DYNC2H1: variants seen among roughly 807,000 people sequenced by gnomAD.
The protein encoded by DYNC2H1 is dynein cytoplasmic 2 heavy chain 1, also known as cytoplasmic dynein 2 heavy chain 1.
DYNC2H1 carries 410 observed loss-of-function variants against 570.0 expected under a neutral mutation model. The ratio of observed to expected loss-of-function variants is 0.72; its 90% CI spans 0.66 to 0.78. The LOEUF is 0.78. Ranked by LOEUF, DYNC2H1 falls within the 30% of genes least tolerant of loss-of-function variation. The pLI is 0.00. For missense variants in DYNC2H1, 4,865 were observed against 5,046.4 expected, an observed-to-expected ratio of 0.96 and a Z score of 1.09; for synonymous variants, 1,688 against 1,677.6, an observed-to-expected ratio of 1.01 and a Z score of -0.15.
intron 70 of DYNC2H1, among the ~76,000 whole-genome samples, chr11:103,278,354 C>A (rs1427525950): frequency 6.6e-6 from 1 of 151,922 alleles, no homozygotes; most frequent in Non-Finnish European, 1.5e-5. Flanking sequence ...GTCCTAGGTA[C>A]CATGCTAAGT....
intron 85 of DYNC2H1, among the ~76,000 whole-genome samples, chr11:103,453,029 G>T (rs184447391): frequency 2.0e-3 from 298 of 152,072 alleles, no homozygotes; most frequent in Non-Finnish European, 2.8e-3. Flanking sequence ...TAATATTCAA[G>T]AAATTGCCTA....
intron 83 of DYNC2H1, among the ~76,000 whole-genome samples, chr11:103,392,570 C>T (rs566700369): frequency 7.9e-5 from 12 of 152,316 alleles, no homozygotes; most frequent in East Asian, 5.8e-4. Context: ...TCGTCTTCTG[C>T]GTCGCTCACG....
chr11:103,270,947 A>G (rs1032546957), intron 70 of DYNC2H1, among the ~76,000 whole-genome samples: 1 of 152,200 alleles, frequency 6.6e-6, no homozygotes, highest in Non-Finnish European at 1.5e-5. Flanking sequence ...TTGAAATGGC[A>G]TAGAAAAATG....
Position 103,196,452 on chromosome 11 carries a change from G to A in DYNC2H1, c.7709-1481G>A, listed in dbSNP as rs990104811. Among the ~76,000 whole-genome samples, 5 of 152,146 alleles carry A rather than the reference G, an allele frequency of 3.3e-5. 1 individual carries two copies. Among genetic ancestry groups the A allele is most frequent in the African/African-American group, 1.2e-4 (5 of 41,438 alleles). ...TTAAACACAGGTGCTCAATAGGTAAGTATTGAGCCAATGAATGCATGAATT... is the reference window on the plus strand; with the variant it reads ...TTAAACACAGGTGCTCAATAGGTAAATATTGAGCCAATGAATGCATGAATT... On this transcript the variant is annotated intron_variant, in intron 47 of 88. Coordinates refer to ENST00000375735, the MANE Select transcript of DYNC2H1 (RefSeq NM_001377.3).
chr11:103,229,423 T>C (rs553524735), intron 59 of DYNC2H1, among the ~76,000 whole-genome samples: 22 of 152,376 alleles, frequency 1.4e-4, no homozygotes, highest in African/African-American at 5.3e-4. Flanking sequence ...TTTTTGACAT[T>C]ATCTATTAAT....
At chr11:103,458,243 C>A (rs961113766) in intron 87 of DYNC2H1, among the ~76,000 whole-genome samples, 4 of 152,074 alleles carry the variant, frequency 2.6e-5, no homozygotes, top group African/African-American at 7.2e-5. Context: ...ACCATGTGTT[C>A]CAGTTGCCTA....
chr11:103,120,324 G>C, intron 6 of DYNC2H1, 123 bp from the exon 7 acceptor site: 1 of 930,664 alleles, frequency 1.1e-6, no homozygotes, highest in South Asian at 2.3e-5. Flanking sequence ...AGTTTTATTG[G>C]TTTTTTCTTT....
intron 82 of DYNC2H1, among the ~76,000 whole-genome samples, chr11:103,336,706 C>T (rs1455477161): frequency 6.6e-6 from 1 of 152,110 alleles, no homozygotes; most frequent in Non-Finnish European, 1.5e-5. Flanking sequence ...ATCCATTCAT[C>T]TGTTGATGGG....
At chr11:103,329,959 C>T (rs559777622) in intron 82 of DYNC2H1, among the ~76,000 whole-genome samples, 11 of 152,242 alleles carry the variant, frequency 7.2e-5, no homozygotes, top group South Asian at 4.1e-4. Flanking sequence ...TTAAATTCTT[C>T]GTTCAATACC....
At chr11:103,274,410 A>G (rs1865828911) in intron 70 of DYNC2H1, among the ~76,000 whole-genome samples, 1 of 152,182 alleles carries the variant, frequency 6.6e-6, no homozygotes, top group African/African-American at 2.4e-5. Context: ...TCATTAAATT[A>G]TAAGTATTGA....
chr11:103,130,779 G>C (rs1001376441), intron 13 of DYNC2H1, among the ~76,000 whole-genome samples: 1 of 152,042 alleles, frequency 6.6e-6, no homozygotes, highest in East Asian at 1.9e-4. Flanking sequence ...TTAAAATAAA[G>C]TCTGTTGATA....
chr11:103,246,071 G>A (rs191560485), intron 65 of DYNC2H1, among the ~76,000 whole-genome samples: 3 of 152,226 alleles, frequency 2.0e-5, no homozygotes, highest in Non-Finnish European at 2.9e-5. Context: ...ACATTGATAT[G>A]TTTGGCCTAG....
chr11:103,401,957 T>TA (rs1016325369), intron 84 of DYNC2H1: 9 of 152,050 alleles, frequency 5.9e-5, no homozygotes, highest in African/African-American at 2.2e-4. Context: ...GTGATATTAA[T>TA]AAAAAATGTA....
At chr11:103,411,675 A>G (rs1231107963) in intron 84 of DYNC2H1, among the ~76,000 whole-genome samples, 1 of 152,000 alleles carries the variant, frequency 6.6e-6, no homozygotes, top group Non-Finnish European at 1.5e-5. Flanking sequence ...TATTTTAGAA[A>G]GGGGTCATAC....
At chr11:103,259,098 TA>T (rs1262418676) in intron 69 of DYNC2H1, among the ~76,000 whole-genome samples, 2 of 152,208 alleles carry the variant, frequency 1.3e-5, no homozygotes, top group Non-Finnish European at 2.9e-5. Flanking sequence ...TTCTAAGCAT[TA>T]AAATTGTTTT....
chr11:103,129,466 GAC>G lies in DYNC2H1; in HGVS notation c.1953+463_1953+464del, dbSNP rs1859156655. Among the ~76,000 whole-genome samples the G allele has an allele frequency of 6.6e-6, 1 of 152,184 alleles. No homozygotes were observed. Among genetic ancestry groups the G allele is most frequent in the Non-Finnish European group, 1.5e-5 (1 of 68,022 alleles). On this transcript the variant is annotated intron_variant, in intron 13 of 88. Coordinates refer to ENST00000375735, the MANE Select transcript of DYNC2H1 (RefSeq NM_001377.3). The surrounding 1 kb of genome is among the most constrained non-coding windows in gnomAD (Gnocchi z 4.1). ...CGAGGCCGAGGCGGGTGGATCACCT[GAC>G]ATCAGGGGTTTGAGACCAGCCTGGC...
chr11:103,241,309 T>C lies in DYNC2H1; in HGVS notation c.9820-2384T>C, dbSNP rs1260736870. On this transcript the variant is annotated intron_variant, in intron 63 of 88. Transcript: ENST00000375735. This position sits in a 1 kb window ranked among gnomAD's most constrained non-coding sequence, Gnocchi z 5.1. Reference sequence around the variant, plus strand: ...AACAAATGAGTAAATAAATGAAAGCTCAACATTTTTGGATTGAGTATAGTT... The same window carrying C: ...AACAAATGAGTAAATAAATGAAAGCCCAACATTTTTGGATTGAGTATAGTT... Among the ~76,000 whole-genome samples the C allele has an allele frequency of 6.6e-6, 1 of 152,196 alleles. No homozygotes were observed. The highest frequency in any genetic ancestry group is 6.5e-5 in the Admixed American group (1 of 15,268).
chr11:103,344,421 T>A (rs1939633817), intron 82 of DYNC2H1, among the ~76,000 whole-genome samples: 1 of 152,270 alleles, frequency 6.6e-6, no homozygotes, highest in Admixed American at 6.5e-5. Context: ...TCAGGCCTTC[T>A]GCTCCCTCAT....
Position 103,188,620 on chromosome 11 carries a change from A to T in DYNC2H1, c.7264A>T (p.Thr2422Ser). The T allele has an allele frequency of 6.2e-7, 1 of 1,608,584 alleles. No homozygotes were observed. Among genetic ancestry groups the T allele is most frequent in the Non-Finnish European group, 8.5e-7 (1 of 1,176,926 alleles). ...AAGACATAAACTTACTACCAGATTT[A>T]CTTCCATCGTTCGTCTTTGTTCTAT... ...LGRHKLTTRF[T>S]SIVRLCSIDY... Residue 2422 changes from threonine (T) to serine (S), a missense_variant, in exon 44 of 89, where the codon ACT becomes TCT. By Grantham distance (58) the Thr-to-Ser change is moderately conservative. Coordinates refer to ENST00000375735, the MANE Select transcript of DYNC2H1 (RefSeq NM_001377.3).
Sources: allele counts gnomAD v4.1 joint callset (sites outside exome capture counted in the v4.1 genomes callset), GRCh38; gene constraint gnomAD v4.1.1; non-coding constraint Gnocchi (gnomAD v3.1); transcripts MANE v1.5; gene names NCBI Gene and HGNC (gene_info 2026-07-23, HGNC 2026-07-21).